Variants in GDE1 observed in about 807,000 individuals in gnomAD.
The protein encoded by GDE1 is RGS16-interacting membrane protein.
In GDE1, 24 loss-of-function variants were observed where a neutral mutation model predicts 32.2. The observed-to-expected ratio is 0.75, with a 90% CI of 0.54 to 1.05. GDE1 has a LOEUF of 1.05. GDE1 is among the 50% of genes least tolerant of loss of function. GDE1 has a pLI of 0.00. For synonymous variants in GDE1, 159 were observed against 158.6 expected, an observed-to-expected ratio of 1.00 and a Z score of -0.02; for missense variants, 380 against 415.0, an observed-to-expected ratio of 0.92 and a Z score of 0.73.
At chr16:19,511,364 A>T (rs1969316945) in intron 2 of GDE1, among the ~76,000 whole-genome samples, 1 of 152,198 alleles carries the variant, frequency 6.6e-6, no homozygotes, top group South Asian at 2.1e-4. Flanking sequence ...TTGGCCTCCC[A>T]AAGTGCTAGG....
chr16:19,507,795 A>G lies in GDE1; in HGVS notation c.544-16T>C. The G allele has an allele frequency of 8.6e-7, 1 of 1,159,662 alleles. No homozygotes were observed. Among genetic ancestry groups the G allele is most frequent in the Non-Finnish European group, 1.3e-6 (1 of 777,032 alleles). 71.8% of individuals were successfully genotyped at this position (1,159,662 alleles called of 1,614,324 possible). A position where few individuals can be genotyped will look rare whatever the true frequency, so the allele number is the denominator to read the frequency against. On this transcript the variant is annotated splice_polypyrimidine_tract_variant and intron_variant, in intron 3 of 5. Transcript: ENST00000353258. ...CCTCAGTAGCCTGTAAAATAAAGAG[A>G]TTCATATATTTAAAATTGATTAAAA... is the stretch of plus-strand genomic sequence containing the variant.
intron 5 of GDE1, 127 bp downstream of exon 5, chr16:19,504,754 C>A: frequency 3.2e-6 from 2 of 629,572 alleles, no homozygotes; most frequent in Non-Finnish European, 5.6e-6. Flanking sequence ...ATTGGTAATC[C>A]AATTTAGAGG....
chr16:19,520,059 T>C lies in GDE1; in HGVS notation c.261+1645A>G, dbSNP rs1374429669. Among the ~76,000 whole-genome samples, 5 of 152,198 alleles carry C rather than the reference T, an allele frequency of 3.3e-5. No homozygotes were observed. The East Asian group carries it at 5.8e-4, about 18-fold the overall frequency. Reference sequence around the variant, plus strand: ...TTATTGGTAAAGTCGAATGTATACATACATATATACATTTCTGACAGTGCT... The same window carrying C: ...TTATTGGTAAAGTCGAATGTATACACACATATATACATTTCTGACAGTGCT... On this transcript the variant is annotated intron_variant, in intron 1 of 5. Transcript: ENST00000353258.
intron 2 of GDE1, among the ~76,000 whole-genome samples, chr16:19,515,574 T>G (rs1969370960): frequency 1.3e-5 from 2 of 152,198 alleles, no homozygotes; most frequent in African/African-American, 2.4e-5. Flanking sequence ...GCAATGTCAT[T>G]ATAATATTCA....
intron 1 of GDE1, chr16:19,521,476 T>C (rs898244395): frequency 7.0e-6 from 4 of 572,160 alleles, no homozygotes; most frequent in Non-Finnish European, 1.2e-5. Context: ...TATGTAACCT[T>C]AGCGTCAGGC....
intron 3 of GDE1, among the ~76,000 whole-genome samples, chr16:19,509,852 G>C (rs770677971): frequency 4.0e-4 from 61 of 151,762 alleles, no homozygotes; most frequent in Non-Finnish European, 8.3e-4. Flanking sequence ...GTGGAGACAG[G>C]GGTTTCACCA....
At position 19,502,272 on chromosome 16, in the gene GDE1, C is replaced by T. The variant is rs533205972; in HGVS notation, c.*1198G>A. 1 of 151,864 alleles carries T rather than the reference C, an allele frequency of 6.6e-6. No homozygotes were observed. Among genetic ancestry groups the T allele is most frequent in the East Asian group, 1.9e-4 (1 of 5,166 alleles). The allele number at this position is 151,864 out of a possible 1,614,324, so 9.4% of individuals were successfully genotyped here. The stretch of plus-strand genomic sequence containing the variant: ...TCATCAGTAGAAAGAGTGCTAACAC[C>T]TCCATAAGACTTTTGTATGGATTGA... On this transcript the variant is annotated 3_prime_UTR_variant, in exon 6 of 6. Transcript: ENST00000353258.
In GDE1 at chr16:19,503,461, C is replaced by T. The variant is rs757947752; in HGVS notation, c.*9G>A. Reference sequence around the variant, plus strand: ...AGTTTCTGAACCCGTTTCGTCCCACCGTGAAAGTCTAGAAGTGAGGTTCGC... The same window carrying T: ...AGTTTCTGAACCCGTTTCGTCCCACTGTGAAAGTCTAGAAGTGAGGTTCGC... On this transcript the variant is annotated 3_prime_UTR_variant, in exon 6 of 6. Transcript: ENST00000353258. 1.9e-5 allele frequency: 30 copies of T among 1,612,600 alleles called. No homozygotes were observed. The highest frequency in any genetic ancestry group is 3.3e-5 in the Admixed American group (2 of 59,782).
chr16:19,521,801 G>A lies in GDE1; in HGVS notation c.164C>T (p.Ala55Val), dbSNP rs201477567. 8 of 1,611,656 alleles carry A rather than the reference G, an allele frequency of 5.0e-6. No homozygotes were observed. In the East Asian group the frequency reaches 1.6e-4, roughly 31 times the overall value. Residue 55 changes from alanine to valine, a missense_variant, in exon 1 of 6, where the codon GCC becomes GTC. Transcript: ENST00000353258. The part of the protein sequence containing the change: ...FSFEPVPSCR[A>V]LQVLKPRDRI... Reference sequence around the variant, plus strand: ...GTCCCGGGGCTTGAGCACCTGCAGGGCCCTGCAAGAGGGCACCGGCTCAAA... The same window carrying A: ...GTCCCGGGGCTTGAGCACCTGCAGGACCCTGCAAGAGGGCACCGGCTCAAA...
intron 2 of GDE1, among the ~76,000 whole-genome samples, chr16:19,516,165 C>T (rs1277604281): frequency 5.3e-5 from 8 of 152,132 alleles, no homozygotes; most frequent in Admixed American, 2.6e-4. Context: ...TTGGAAGCTA[C>T]GTTTACACTC....
At chr16:19,521,315 A>C (rs2074173) in intron 1 of GDE1, 26,395 of 190,038 alleles carry the variant, frequency 0.14, 2,726 homozygotes, top group East Asian at 0.38. Context: ...AAATAGCGTA[A>C]CTCTTTCCTT....
Position 19,505,112 on chromosome 16 carries a change from A to T in GDE1, c.637-20T>A, listed in dbSNP as rs1270049670. ...TCTCATCTGCAAAGGAATTTGGGGAAGTAAAATAATGATCATATGTAAAGT... is the reference window on the plus strand; with the variant it reads ...TCTCATCTGCAAAGGAATTTGGGGATGTAAAATAATGATCATATGTAAAGT... On this transcript the variant is annotated intron_variant, in intron 4 of 5. Coordinates refer to ENST00000353258, the MANE Select transcript of GDE1 (RefSeq NM_016641.4). 1.3e-6 allele frequency: 2 copies of T among 1,497,480 alleles called. No individual in the cohort carries two copies. The highest frequency in any genetic ancestry group is 3.3e-5 in the Admixed American group (2 of 59,812). The allele number at this position is 1,497,480 out of a possible 1,614,324, so 92.8% of individuals were successfully genotyped here.
intron 3 of GDE1, 129 bp from the exon 4 acceptor site, chr16:19,507,908 G>GA: frequency 1.7e-6 from 1 of 577,268 alleles, no homozygotes. Context: ...TGGAGGTACT[G>GA]AAAGTATTGG....
At chr16:19,519,517 CT>C (rs1969423499) in intron 1 of GDE1, among the ~76,000 whole-genome samples, 1 of 150,820 alleles carries the variant, frequency 6.6e-6, no homozygotes, top group Non-Finnish European at 1.5e-5. Context: ...GTAAACATAA[CT>C]TTTATATGCA....
intron 4 of GDE1, 107 bp downstream of exon 4, chr16:19,507,580 C>A: frequency 1.4e-6 from 1 of 703,812 alleles, no homozygotes; most frequent in Middle Eastern, 2.4e-4. Flanking sequence ...TCAACTGTGA[C>A]CCTGATGCAG....
chr16:19,507,735 C>T lies in GDE1; in HGVS notation c.588G>A (p.Leu196=), dbSNP rs1969266639. ...AAGAACAGACCACACTATTATTATA[C>T]AGTTGAGGAAATTCCATATACATTT... ...LKKMYMEFPQ[L]YNNSVVCSFL... is the part of the protein sequence containing the mutation. The change falls in exon 4 of 6, where the codon CTG becomes CTA. Residue 196 remains leucine (L), a synonymous_variant. Transcript: ENST00000353258. 6.3e-7 allele frequency: 1 copy of T among 1,576,370 alleles called. No individual in the cohort carries two copies. Among genetic ancestry groups the T allele is most frequent in the Non-Finnish European group, 8.7e-7 (1 of 1,146,120 alleles).
intron 4 of GDE1, among the ~76,000 whole-genome samples, chr16:19,507,008 G>A (rs1466159519): frequency 2.0e-5 from 3 of 151,428 alleles, no homozygotes; most frequent in Admixed American, 6.6e-5. Flanking sequence ...GCGTGGTGAC[G>A]TGCGCCTGTG....
chr16:19,516,947 A>G lies in GDE1; in HGVS notation c.437+67T>C, dbSNP rs1018902883. 4.4e-6 allele frequency: 6 copies of G among 1,356,894 alleles called. No individual in the cohort carries two copies. In the East Asian group the frequency reaches 1.4e-4, roughly 31 times the overall value. The allele number at this position is 1,356,894 out of a possible 1,614,324, so 84.1% of individuals were successfully genotyped here. On this transcript the variant is annotated intron_variant, in intron 2 of 5. Transcript: ENST00000353258. ...CTCTCCTGGGGCAGATGTAATTAGA[A>G]GGCACCAGTGTCTGTCATTTCCAAT...
intron 3 of GDE1, among the ~76,000 whole-genome samples, chr16:19,509,665 T>G (rs962076872): frequency 1.3e-5 from 2 of 151,710 alleles, no homozygotes; most frequent in African/African-American, 2.4e-5. Context: ...TTTCAGGTTT[T>G]TTTTTTTTTT....
Sources: allele counts gnomAD v4.1 joint callset (sites outside exome capture counted in the v4.1 genomes callset), GRCh38; gene constraint gnomAD v4.1.1; transcripts MANE v1.5; gene names NCBI Gene and HGNC (gene_info 2026-07-23, HGNC 2026-07-21).